CCDC91: variants seen among roughly 807,000 people sequenced by gnomAD.
The protein encoded by CCDC91 is coiled-coil domain containing 91.
Under a neutral mutation model 63.2 loss-of-function variants are expected in CCDC91, and 48 were observed. That is an observed-to-expected ratio of 0.76 (90% confidence interval 0.60 to 0.97). CCDC91 has a LOEUF of 0.97. Ranked by LOEUF, CCDC91 falls within the 50% of genes least tolerant of loss-of-function variation. The pLI, the probability that CCDC91 is intolerant of heterozygous loss-of-function variation, is 0.00. For synonymous variants in CCDC91, 167 were observed against 165.8 expected (o/e 1.01, Z -0.06); for missense variants, 500 against 494.6 (o/e 1.01, Z -0.10).
At chr12:28,410,639 A>T (rs1054559938) in intron 8 of CCDC91, among the ~76,000 whole-genome samples, 1 of 152,086 alleles carries the variant, frequency 6.6e-6, no homozygotes, top group African/African-American at 2.4e-5. Context: ...CTCCTGCCTC[A>T]GCCTCCTGAG....
intron 11 of CCDC91, among the ~76,000 whole-genome samples, chr12:28,458,171 T>G (rs1950139095): frequency 6.6e-6 from 1 of 152,164 alleles, no homozygotes; most frequent in Non-Finnish European, 1.5e-5. Flanking sequence ...TTTTCTGTGC[T>G]GACTTCTTTA....
At chr12:28,452,133 G>A in intron 10 of CCDC91, among the ~76,000 whole-genome samples, 1 of 150,968 alleles carries the variant, frequency 6.6e-6, no homozygotes, top group African/African-American at 2.4e-5. Context: ...TTTCTAATAT[G>A]TATTAATACA....
intron 1 of CCDC91, among the ~76,000 whole-genome samples, chr12:28,239,084 C>T (rs1414746916): frequency 4.0e-5 from 6 of 150,456 alleles, no homozygotes; most frequent in Admixed American, 6.6e-5. Context: ...CACACCATTG[C>T]ACTCCAGCCT....
At chr12:28,366,150 A>T (rs1425997159) in intron 7 of CCDC91, among the ~76,000 whole-genome samples, 1 of 151,506 alleles carries the variant, frequency 6.6e-6, no homozygotes, top group Non-Finnish European at 1.5e-5. Context: ...CTTAGTACAG[A>T]TTAAAAAAAA....
intron 12 of CCDC91, among the ~76,000 whole-genome samples, chr12:28,520,005 C>A (rs1213601811): frequency 6.6e-6 from 1 of 152,020 alleles, no homozygotes; most frequent in Non-Finnish European, 1.5e-5. Context: ...CAAGTCTTTC[C>A]TATTGTGAAT....
chr12:28,477,172 A>G (rs1330137594), intron 11 of CCDC91, among the ~76,000 whole-genome samples: 1 of 152,100 alleles, frequency 6.6e-6, no homozygotes, highest in Admixed American at 6.6e-5. Context: ...CAACAAAAAA[A>G]GGAATTTTAG....
chr12:28,401,726 A>C (rs537985833), intron 8 of CCDC91, among the ~76,000 whole-genome samples: 12 of 152,284 alleles, frequency 7.9e-5, no homozygotes, highest in African/African-American at 2.9e-4. Context: ...TTTGGTGAGG[A>C]CACAGAGCCA....
intron 8 of CCDC91, among the ~76,000 whole-genome samples, chr12:28,407,216 C>G (rs770373705): frequency 4.6e-5 from 7 of 152,142 alleles, no homozygotes; most frequent in Non-Finnish European, 8.8e-5. Context: ...TTCTGTACAG[C>G]CTGAAGAACA....
chr12:28,549,165 A>G lies in CCDC91; in HGVS notation c.1318A>G (p.Ile440Val). 6.3e-7 allele frequency: 1 copy of G among 1,596,216 alleles called. No homozygotes were observed. The highest frequency in any genetic ancestry group is 8.6e-7 in the Non-Finnish European group (1 of 1,164,162). ...TTTAATAGCTACGGAACCAGTTGAC[A>G]TTGAATAAAAAGAACATGACAAACC... ...SALIATEPVD[I>V]E Residue 440 changes from isoleucine (I) to valine (V), a missense_variant, in exon 13 of 13, where the codon ATT becomes GTT. Transcript: ENST00000536442.
chr12:28,514,072 C>T (rs1939670533), intron 12 of CCDC91, among the ~76,000 whole-genome samples: 2 of 151,962 alleles, frequency 1.3e-5, no homozygotes, highest in African/African-American at 4.8e-5. Flanking sequence ...ACTTACACTG[C>T]CATCAGCAGT....
intron 7 of CCDC91, among the ~76,000 whole-genome samples, chr12:28,377,401 G>T (rs962729051): frequency 2.6e-5 from 4 of 151,698 alleles, no homozygotes; most frequent in African/African-American, 9.7e-5. Flanking sequence ...AGATTAAAAA[G>T]AATGCTAAGT....
intron 3 of CCDC91, among the ~76,000 whole-genome samples, chr12:28,298,203 T>C (rs1387181078): frequency 2.6e-5 from 4 of 151,750 alleles, no homozygotes; most frequent in Non-Finnish European, 5.9e-5. Context: ...TCAACAACTT[T>C]CTGAAAATTC....
At chr12:28,460,844 G>T (rs1425583741) in intron 11 of CCDC91, among the ~76,000 whole-genome samples, 3 of 151,818 alleles carry the variant, frequency 2.0e-5, no homozygotes, top group Admixed American at 1.3e-4. Flanking sequence ...GCTGGAGAGG[G>T]ACAGATAGAA....
chr12:28,540,444 A>G (rs1942545156), intron 12 of CCDC91, among the ~76,000 whole-genome samples: 1 of 152,182 alleles, frequency 6.6e-6, no homozygotes, highest in African/African-American at 2.4e-5. Flanking sequence ...AGTGTAATGC[A>G]ATGCAAGAAA....
intron 1 of CCDC91, among the ~76,000 whole-genome samples, chr12:28,242,454 T>C (rs552129591): frequency 1.6e-4 from 25 of 152,026 alleles, no homozygotes; most frequent in African/African-American, 4.3e-4. Context: ...CAACCAAACA[T>C]AGGAAATAAC....
chr12:28,418,109 G>GT (rs1485397906), intron 8 of CCDC91, among the ~76,000 whole-genome samples: 1 of 152,050 alleles, frequency 6.6e-6, no homozygotes, highest in Non-Finnish European at 1.5e-5. Flanking sequence ...CATTTGGTTA[G>GT]TGCATGTTTA....
At chr12:28,272,783 G>A (rs753743810) in intron 3 of CCDC91, among the ~76,000 whole-genome samples, 3 of 151,878 alleles carry the variant, frequency 2.0e-5, no homozygotes, top group Non-Finnish European at 4.4e-5. Context: ...TATCATTATT[G>A]TAATATATGC....
intron 6 of CCDC91, among the ~76,000 whole-genome samples, chr12:28,338,505 A>T (rs1195327071): frequency 6.6e-6 from 1 of 152,122 alleles, no homozygotes; most frequent in African/African-American, 2.4e-5. Context: ...GAAAGTACAA[A>T]GATGTTTGGG....
Position 28,387,963 on chromosome 12 carries a change from G to T in CCDC91, c.655-3341G>T, listed in dbSNP as rs186670596. On this transcript the variant is annotated intron_variant, in intron 7 of 12. Coordinates refer to ENST00000536442, the MANE Select transcript of CCDC91 (RefSeq NM_018318.5). ...TTTTAGTTTTTTAAGGAATCTCCAC[G>T]CTGTTTTCCATAGTGGTTGTACTAG... 4.7e-3 allele frequency among the ~76,000 whole-genome samples: 712 copies of T among 152,122 alleles called. 6 individuals are homozygous for T. The highest frequency in any genetic ancestry group is 0.017 in the Middle Eastern group (5 of 294).
Sources: gnomAD v4.1 joint callset for allele counts (sites outside exome capture counted in the v4.1 genomes callset) on GRCh38, gnomAD v4.1.1 for gene constraint, MANE v1.5 for transcripts, NCBI Gene and HGNC (gene_info 2026-07-23, HGNC 2026-07-21) for gene names.